Variants in RGS11 observed in about 807,000 individuals in gnomAD.
RGS11 encodes regulator of G protein signaling 11.
In RGS11, 86 loss-of-function variants were observed where a neutral mutation model predicts 71.1. That is an observed-to-expected ratio of 1.21 (90% CI 1.02 to 1.45). The LOEUF (loss-of-function observed/expected upper bound fraction) is 1.45. Among genes scored for constraint, RGS11 ranks in the 40% most tolerant of loss-of-function variants. The pLI, the probability that RGS11 is intolerant of heterozygous loss-of-function variation, is 0.00. For synonymous variants in RGS11, 298 were observed against 254.2 expected, an observed-to-expected ratio of 1.17 and a Z score of -1.64; for missense variants, 734 against 635.1, an observed-to-expected ratio of 1.16 and a Z score of -1.67.
chr16:272,606 T>A, intron 9 of RGS11: 33 of 1,383,916 alleles, frequency 2.4e-5, no homozygotes, highest in East Asian at 5.9e-5. Context: ...GCCCCCTTCC[T>A]CCCCGCCAGC....
In RGS11 at chr16:275,059, G is replaced by T; in HGVS notation, c.235C>A (p.Leu79Met). ...GGGTAGATGTAGCCATGCTGCACCA[G>T]GACGGCGCCCAGGTGCAGGGCCTCT... ...EEEALHLGAV[L>M]VQHGYIYPLR... Residue 79 changes from leucine (L) to methionine (M), a missense_variant, in exon 4 of 17, where the codon CTG (leucine) becomes ATG (methionine). Leu to Met is a conservative substitution (Grantham distance 15, BLOSUM62 2). Coordinates refer to ENST00000397770, the MANE Select transcript of RGS11 (RefSeq NM_183337.3). 1 of 1,484,786 alleles carries T rather than the reference G, an allele frequency of 6.7e-7. No individual in the cohort carries two copies. The allele number at this position is 1,484,786 out of a possible 1,614,324, so 92.0% of individuals were successfully genotyped here.
In RGS11 at chr16:275,062, C is replaced by G; in HGVS notation, c.232G>C (p.Val78Leu). 1.3e-6 allele frequency: 2 copies of G among 1,483,168 alleles called. No individual in the cohort carries two copies. Among genetic ancestry groups the G allele is most frequent in the Non-Finnish European group, 1.8e-6 (2 of 1,115,032 alleles). 91.9% of individuals were successfully genotyped at this position (1,483,168 alleles called of 1,614,324 possible). A position where few individuals can be genotyped will look rare whatever the true frequency, so the allele number is the denominator to read the frequency against. Residue 78 changes from valine (V) to leucine (L), a missense_variant, in exon 4 of 17, where the codon GTC becomes CTC. Transcript: ENST00000397770. ...SEEEALHLGA[V>L]LVQHGYIYPL... ...TAGATGTAGCCATGCTGCACCAGGACGGCGCCCAGGTGCAGGGCCTCTGGG... is the reference window on the plus strand; with the variant it reads ...TAGATGTAGCCATGCTGCACCAGGAGGGCGCCCAGGTGCAGGGCCTCTGGG...
chr16:273,211 C>T (rs2052014889), intron 8 of RGS11, among the ~76,000 whole-genome samples: 3 of 152,210 alleles, frequency 2.0e-5, no homozygotes, highest in African/African-American at 7.2e-5. Flanking sequence ...GCAGAGTCTG[C>T]AGTCCCCGCA....
intron 4 of RGS11, 39 bp from the exon 5 acceptor site, chr16:274,304 G>C: frequency 1.3e-6 from 2 of 1,585,416 alleles, no homozygotes; most frequent in Non-Finnish European, 1.7e-6. Context: ...GGACGCCTGC[G>C]TCTGTGCCTC....
At chr16:273,610 C>T (rs2052032230) in intron 7 of RGS11, 54 bp from the exon 8 acceptor site, 3 of 1,512,530 alleles carry the variant, frequency 2.0e-6, no homozygotes, top group Non-Finnish European at 2.7e-6. Flanking sequence ...AGCCCCTCCG[C>T]CCCCACCCTC....
chr16:272,445 G>T lies in RGS11; in HGVS notation c.657+418C>A, dbSNP rs754985139. 1.2e-5 allele frequency: 16 copies of T among 1,314,104 alleles called. No homozygotes were observed. In the South Asian group the frequency reaches 1.2e-4, roughly 10 times the overall value. The allele number at this position is 1,314,104 out of a possible 1,614,324, so 81.4% of individuals were successfully genotyped here. On this transcript the variant is annotated intron_variant, in intron 9 of 16. Transcript: ENST00000397770. ...TGAACAAAGGGTTTTGCTGCTGCGGGGCTCAGATGCTCCCTCTGGTCTGGT... is the reference window on the plus strand; with the variant it reads ...TGAACAAAGGGTTTTGCTGCTGCGGTGCTCAGATGCTCCCTCTGGTCTGGT...
chr16:268,743 C>T lies in RGS11; in HGVS notation c.*526G>A, dbSNP rs773138294. On this transcript the variant is annotated 3_prime_UTR_variant, in exon 17 of 17. Transcript: ENST00000397770. The stretch of plus-strand genomic sequence containing the variant: ...CGGAAGGCAGTGACCTCGAGGCAGC[C>T]TCAGCACGGCACTCTCTTGGGTCCT... 3 of 1,543,296 alleles carry T rather than the reference C, an allele frequency of 1.9e-6. No individual in the cohort carries two copies. The highest frequency in any genetic ancestry group is 2.6e-6 in the Non-Finnish European group (3 of 1,143,134).
chr16:275,578 C>T, intron 1 of RGS11, 80 bp from the exon 2 acceptor site: 1 of 1,250,560 alleles, frequency 8.0e-7, no homozygotes, highest in South Asian at 1.4e-5. Context: ...TGCCCCGGAT[C>T]CGGGAGCGCG....
Position 272,845 on chromosome 16 carries a change from A to G in RGS11, c.657+18T>C. 6.5e-7 allele frequency: 1 copy of G among 1,541,478 alleles called. No individual in the cohort carries two copies. Among genetic ancestry groups the G allele is most frequent in the South Asian group, 1.2e-5 (1 of 83,864 alleles). The stretch of plus-strand genomic sequence containing the variant: ...TGTGCAGGGTGAGAGGGCGGCCAGC[A>G]CGCACGCAGGGGCTCACCATGAGCA... On this transcript the variant is annotated intron_variant, in intron 9 of 16. Coordinates refer to ENST00000397770, the MANE Select transcript of RGS11 (RefSeq NM_183337.3).
intron 13 of RGS11, 28 bp from the exon 14 acceptor site, chr16:270,859 TC>T (rs767689604): frequency 1.9e-6 from 3 of 1,604,070 alleles, no homozygotes; most frequent in Non-Finnish European, 2.6e-6. Context: ...CAGTCAAGGA[TC>T]CCATCGAGAG....
Position 268,619 on chromosome 16 carries a change from C to CG in RGS11, c.*649dup, listed in dbSNP as rs137924642. On this transcript the variant is annotated 3_prime_UTR_variant, in exon 17 of 17. Transcript: ENST00000397770. ...GACAATGTCAGAGTTGTCTATAAAT[C>CG]GGGGGGGAGGCCGCGGCCTCGAGGT... 958 of 681,268 alleles carry CG rather than the reference C, an allele frequency of 1.4e-3. 16 individuals carry two copies. In the East Asian group the frequency reaches 0.025, roughly 18 times the overall value. The allele number at this position is 681,268 out of a possible 1,614,324, so 42.2% of individuals were successfully genotyped here. A position where few individuals can be genotyped will look rare whatever the true frequency, so the allele number is the denominator to read the frequency against.
intron 9 of RGS11, chr16:272,266 C>A: frequency 8.1e-7 from 1 of 1,235,842 alleles, no homozygotes; most frequent in Non-Finnish European, 1.0e-6. Context: ...GGGGCCAGAG[C>A]GGAGGAGGCG....
rs370456376 is a variant in RGS11, at chr16:274,260, C to T, written c.324G>A (p.Pro108=). The change falls in exon 5 of 17, where the codon CCG becomes CCA. Residue 108 remains proline, a synonymous_variant. Transcript: ENST00000397770. ...PDETPYRFQT[P]YFWTSTLRPA... ...GCCTCAGGGTACTTGTCCAGAAGTA[C>T]GGGGTCTGGCGTGGTGCAGGGAGAA... The T allele has an allele frequency of 5.3e-5, 86 of 1,610,178 alleles. No individual in the cohort carries two copies. Among genetic ancestry groups the T allele is most frequent in the Non-Finnish European group, 6.3e-5 (74 of 1,178,548 alleles).
Position 271,311 on chromosome 16 carries a change from G to C in RGS11, c.754C>G (p.Leu252Val). The change falls in exon 12 of 17, where the codon CTG becomes GTG. Residue 252 changes from leucine to valine, a missense_variant. Coordinates refer to ENST00000397770, the MANE Select transcript of RGS11 (RefSeq NM_183337.3). ...VKSSVCLEAY[L>V]SFCGQRGPHD... The stretch of plus-strand genomic sequence containing the variant: ...GGTCCACGCTGGCCGCAGAAACTCA[G>C]GTACCTGGAAGGGGGTATGGGGGCT... 6.2e-7 allele frequency: 1 copy of C among 1,612,986 alleles called. No homozygotes were observed. Among genetic ancestry groups the C allele is most frequent in the Non-Finnish European group, 8.5e-7 (1 of 1,179,960 alleles).
At chr16:271,640 G>A in intron 9 of RGS11, 71 bp from the exon 10 acceptor site, 6 of 1,463,320 alleles carry the variant, frequency 4.1e-6, no homozygotes, top group Non-Finnish European at 5.7e-6. Flanking sequence ...CAGCAGGAGG[G>A]CACCTCCCCA....
At chr16:273,632 T>G in intron 7 of RGS11, 76 bp from the exon 8 acceptor site, 1 of 1,498,308 alleles carries the variant, frequency 6.7e-7, no homozygotes, top group Non-Finnish European at 9.1e-7. Flanking sequence ...GGCCTGGACC[T>G]GGGCAGGCAG....
At position 274,120 on chromosome 16, in the gene RGS11, C is replaced by G. The variant is rs1391766633; in HGVS notation, c.371-19G>C. On this transcript the variant is annotated intron_variant, in intron 5 of 16. Coordinates refer to ENST00000397770, the MANE Select transcript of RGS11 (RefSeq NM_183337.3). ...TAGATGGCTGGAAGAACAGGGACAGCCTGCAGAGGGGCCAGCTCTGCCCTG... is the reference window on the plus strand; with the variant it reads ...TAGATGGCTGGAAGAACAGGGACAGGCTGCAGAGGGGCCAGCTCTGCCCTG... 1.3e-6 allele frequency: 2 copies of G among 1,557,444 alleles called. No individual in the cohort carries two copies. The highest frequency in any genetic ancestry group is 1.7e-6 in the Non-Finnish European group (2 of 1,150,840).
Position 275,086 on chromosome 16 carries a change from G to C in RGS11, c.212-4C>G, listed in dbSNP as rs1354739684. On this transcript the variant is annotated splice_polypyrimidine_tract_variant and splice_region_variant and intron_variant, in intron 3 of 16. Transcript: ENST00000397770. ...ACGGCGCCCAGGTGCAGGGCCTCTG[G>C]GGAGGGGTGGGACGGTGAGCGCGGG... The C allele has an allele frequency of 6.8e-7, 1 of 1,477,674 alleles. No homozygotes were observed. The highest frequency in any genetic ancestry group is 2.5e-5 in the East Asian group (1 of 40,664). 91.5% of individuals were successfully genotyped at this position (1,477,674 alleles called of 1,614,324 possible).
At chr16:272,132 G>A (rs780805774) in intron 9 of RGS11, 45 of 1,132,144 alleles carry the variant, frequency 4.0e-5, no homozygotes, top group Admixed American at 2.2e-4. Context: ...CACCGCGCCC[G>A]GCCTAATATG....
Sources: gnomAD v4.1 joint callset for allele counts (sites outside exome capture counted in the v4.1 genomes callset) on GRCh38, gnomAD v4.1.1 for gene constraint, MANE v1.5 for transcripts, NCBI Gene and HGNC (gene_info 2026-07-23, HGNC 2026-07-21) for gene names.